Variants in MDGA2 observed in about 807,000 individuals in gnomAD.
MDGA2 encodes the protein MAM domain-containing glycosylphosphatidylinositol anchor protein 2.
Under a neutral mutation model 117.8 loss-of-function variants are expected in MDGA2, and 40 were observed. The ratio of observed to expected loss-of-function variants is 0.34; its 90% CI spans 0.26 to 0.44. MDGA2 has a LOEUF of 0.44. Among genes scored for constraint, MDGA2 ranks in the 20% least tolerant of loss-of-function variants. The pLI, the probability that MDGA2 is intolerant of heterozygous loss-of-function variation, is 1.00. For missense variants in MDGA2, 1,123 were observed against 1,250.6 expected, an observed-to-expected ratio of 0.90 and a Z score of 1.54; for synonymous variants, 452 against 439.0, an observed-to-expected ratio of 1.03 and a Z score of -0.37.
intron 3 of MDGA2, among the ~76,000 whole-genome samples, chr14:47,209,378 T>G (rs1164496465): frequency 6.6e-6 from 1 of 152,096 alleles, no homozygotes; most frequent in African/African-American, 2.4e-5. Flanking sequence ...TGCCTGAGAT[T>G]TTCAGAATCA....
At chr14:46,995,398 A>T (rs1454214319) in intron 8 of MDGA2, among the ~76,000 whole-genome samples, 5 of 152,186 alleles carry the variant, frequency 3.3e-5, no homozygotes, top group Non-Finnish European at 1.5e-5. Context: ...TATAAATTAA[A>T]GGTTGAAAGA....
chr14:47,235,775 A>G (rs1039701274), intron 2 of MDGA2, among the ~76,000 whole-genome samples: 1 of 152,130 alleles, frequency 6.6e-6, no homozygotes, highest in Non-Finnish European at 1.5e-5. Flanking sequence ...AGAAATAATA[A>G]TAAATTATCT....
At chr14:47,217,895 CATT>C (rs1886155690) in intron 3 of MDGA2, 123 bp downstream of exon 3, 1 of 690,850 alleles carries the variant, frequency 1.4e-6, no homozygotes, top group South Asian at 3.9e-5. Context: ...AGGGAGCTAT[CATT>C]ATTTTACACA....
chr14:47,457,338 A>C (rs1893376569), intron 1 of MDGA2, among the ~76,000 whole-genome samples: 1 of 152,192 alleles, frequency 6.6e-6, no homozygotes, highest in African/African-American at 2.4e-5. Flanking sequence ...GAGAGCATGC[A>C]TTTTAAAAGG....
intron 1 of MDGA2, among the ~76,000 whole-genome samples, chr14:47,555,879 AAGAAAGCTCCTCCATCCCCCT>A (rs1895672751): frequency 6.6e-6 from 1 of 152,146 alleles, no homozygotes; most frequent in Non-Finnish European, 1.5e-5. Context: ...TGTAAACCCT[AAGAAAGCTCCTCCATCCCCCT>A]AGCCATCAGT....
intron 1 of MDGA2, among the ~76,000 whole-genome samples, chr14:47,321,394 A>G (rs575266874): frequency 1.3e-5 from 2 of 152,346 alleles, no homozygotes; most frequent in East Asian, 3.9e-4. Flanking sequence ...ATTTTATCAA[A>G]TGAAATGTCT....
chr14:46,973,798 C>T (rs550589898), intron 8 of MDGA2, among the ~76,000 whole-genome samples: 53 of 152,134 alleles, frequency 3.5e-4, no homozygotes, highest in African/African-American at 1.2e-3. Context: ...CTGAAGATTC[C>T]ATGTTAAATA....
Position 46,884,722 on chromosome 14 carries a change from C to A in MDGA2, c.2239-2501G>T, listed in dbSNP as rs1275814532. Among the ~76,000 whole-genome samples, 6 of 152,144 alleles carry A rather than the reference C, an allele frequency of 3.9e-5. No individual in the cohort carries two copies. In the East Asian group the frequency reaches 1.2e-3, roughly 29 times the overall value. On this transcript the variant is annotated intron_variant, in intron 10 of 16. Coordinates refer to ENST00000399232, the MANE Select transcript of MDGA2 (RefSeq NM_001113498.3). The surrounding 1 kb of genome is among the most constrained non-coding windows in gnomAD (Gnocchi z 4.1). ...TGGAAAAAAACCACTTGAATTGGAA[C>A]CTTATATCTTATACATAAAATTCAG...
chr14:47,666,755 A>G (rs1361258883), intron 1 of MDGA2, among the ~76,000 whole-genome samples: 1 of 152,134 alleles, frequency 6.6e-6, no homozygotes, highest in Non-Finnish European at 1.5e-5. Context: ...ACTCTTTGCA[A>G]TAAATCTTGC....
chr14:46,871,119 C>T (rs1881977439), intron 14 of MDGA2: 1 of 149,542 alleles, frequency 6.7e-6, no homozygotes, highest in Non-Finnish European at 1.5e-5. Context: ...TATAGTAATC[C>T]CACAATAAAT....
intron 2 of MDGA2, among the ~76,000 whole-genome samples, chr14:47,282,781 G>A (rs559315190): frequency 1.3e-5 from 2 of 151,910 alleles, no homozygotes; most frequent in East Asian, 3.9e-4. Context: ...TAAAATACAT[G>A]TGAATATTAA....
At chr14:47,504,611 G>A (rs1594890508) in intron 1 of MDGA2, among the ~76,000 whole-genome samples, 1 of 151,974 alleles carries the variant, frequency 6.6e-6, no homozygotes, top group East Asian at 1.9e-4. Context: ...TACTGATCCT[G>A]AGGGAAATGC....
intron 14 of MDGA2, among the ~76,000 whole-genome samples, chr14:46,869,765 C>T (rs1881925336): frequency 6.6e-6 from 1 of 151,944 alleles, no homozygotes; most frequent in African/African-American, 2.4e-5. Context: ...TGCATTCTCT[C>T]TCTCTTCTTA....
chr14:47,223,457 G>C (rs564063959), intron 2 of MDGA2, among the ~76,000 whole-genome samples: 65 of 152,238 alleles, frequency 4.3e-4, no homozygotes, highest in African/African-American at 1.4e-3. Context: ...TTAGGAGAGA[G>C]GAACAGGCAA....
chr14:47,426,266 G>T (rs750601844), intron 1 of MDGA2, among the ~76,000 whole-genome samples: 8 of 152,166 alleles, frequency 5.3e-5, no homozygotes, highest in Non-Finnish European at 1.0e-4. Flanking sequence ...GCCTATGGCA[G>T]TTATTACAGT....
intron 3 of MDGA2, among the ~76,000 whole-genome samples, chr14:47,208,691 G>A (rs968424656): frequency 1.3e-5 from 2 of 151,882 alleles, no homozygotes; most frequent in Non-Finnish European, 2.9e-5. Context: ...AGGAGCATCT[G>A]CCTGCCACAT....
At chr14:47,368,231 G>A (rs767426071) in intron 1 of MDGA2, among the ~76,000 whole-genome samples, 1 of 152,178 alleles carries the variant, frequency 6.6e-6, no homozygotes, top group Non-Finnish European at 1.5e-5. Flanking sequence ...GCAGTGAGCT[G>A]AGACCACACC....
At chr14:46,911,745 C>T (rs2138483408) in intron 10 of MDGA2, among the ~76,000 whole-genome samples, 1 of 152,258 alleles carries the variant, frequency 6.6e-6, no homozygotes, top group East Asian at 1.9e-4. Context: ...GTAATAAAAA[C>T]ATCACGAAAC....
Position 47,462,371 on chromosome 14 carries a change from G to A in MDGA2, c.281-160821C>T, listed in dbSNP as rs1594869382. Among the ~76,000 whole-genome samples the A allele has an allele frequency of 3.4e-5, 3 of 89,448 alleles. No homozygotes were observed. In the South Asian group the frequency reaches 9.8e-4, roughly 29 times the overall value. 58.7% of individuals were successfully genotyped at this position (89,448 alleles called of 152,430 possible). A position where few individuals can be genotyped will look rare whatever the true frequency, so the allele number is the denominator to read the frequency against. ...AGCCTGGGCGACAGAGAGAGACTCC[G>A]TCCCAAAAAAAAAAAAAAAAAGAAA... On this transcript the variant is annotated intron_variant, in intron 1 of 16. Coordinates refer to ENST00000399232, the MANE Select transcript of MDGA2 (RefSeq NM_001113498.3).
Sources: allele counts gnomAD v4.1 joint callset (sites outside exome capture counted in the v4.1 genomes callset), GRCh38; gene constraint gnomAD v4.1.1; non-coding constraint Gnocchi (gnomAD v3.1); transcripts MANE v1.5; gene names NCBI Gene and HGNC (gene_info 2026-07-23, HGNC 2026-07-21).